The following JAKMIP2 variants were observed in gnomAD, a reference collection of about 807,000 sequenced individuals.
JAKMIP2 encodes janus kinase and microtubule-interacting protein 2.
Under a neutral mutation model 115.0 loss-of-function variants are expected in JAKMIP2, and 25 were observed. That is an observed-to-expected ratio of 0.22 (90% CI 0.16 to 0.30). The LOEUF is 0.30. Among genes scored for constraint, JAKMIP2 ranks in the 10% least tolerant of loss-of-function variants. The pLI, the probability that JAKMIP2 is intolerant of heterozygous loss-of-function variation, is 1.00. For synonymous variants in JAKMIP2, 334 were observed against 343.6 expected (o/e 0.97, Z 0.31); for missense variants, 642 against 957.6 (o/e 0.67, Z 4.35).
rs867555863 is a variant in JAKMIP2, at chr5:147,668,395, C to T, written c.129+3283G>A. On this transcript the variant is annotated intron_variant, in intron 2 of 21. Coordinates refer to ENST00000616793, the MANE Select transcript of JAKMIP2 (RefSeq NM_001270941.2). ...TAGAAGAGACAAATGGGGCAAATAC[C>T]GCAACTTAGTGGCTCAGGGTGCTGC... Among the ~76,000 whole-genome samples the T allele has an allele frequency of 6.6e-5, 10 of 152,128 alleles. 1 individual carries two copies. The highest frequency in any genetic ancestry group is 3.9e-4 in the Admixed American group (6 of 15,278).
At chr5:147,735,401 G>A (rs1753883248) in intron 1 of JAKMIP2, among the ~76,000 whole-genome samples, 2 of 152,170 alleles carry the variant, frequency 1.3e-5, no homozygotes, top group South Asian at 2.1e-4. Flanking sequence ...CCACATGGCT[G>A]GAGAGGCCTC....
chr5:147,623,224 C>CTTTTTTTTTTTT (rs199676287), intron 17 of JAKMIP2, among the ~76,000 whole-genome samples: 22 of 138,734 alleles, frequency 1.6e-4, no homozygotes, highest in East Asian at 1.5e-3. Flanking sequence ...TTGTTCTACT[C>CTTTTTTTTTTTT]TTTTTTTTTT....
chr5:147,613,670 T>G (rs540992796), intron 19 of JAKMIP2, among the ~76,000 whole-genome samples: 2 of 152,146 alleles, frequency 1.3e-5, no homozygotes, highest in Admixed American at 6.5e-5. Flanking sequence ...ATCTACTGAG[T>G]AGAAGCCAGG....
chr5:147,775,072 A>G (rs1935171599), intron 1 of JAKMIP2, among the ~76,000 whole-genome samples: 1 of 152,208 alleles, frequency 6.6e-6, no homozygotes, highest in African/African-American at 2.4e-5. Flanking sequence ...GGTGCCAAAC[A>G]AAGAAAGGCA....
At chr5:147,639,526 G>C in intron 10 of JAKMIP2, 106 bp downstream of exon 10, 1 of 1,313,774 alleles carries the variant, frequency 7.6e-7, no homozygotes, top group Non-Finnish European at 1.0e-6. Flanking sequence ...GCAGAGGAGA[G>C]AAGAATACAG....
chr5:147,730,282 G>C (rs896620853), intron 1 of JAKMIP2, among the ~76,000 whole-genome samples: 1 of 152,132 alleles, frequency 6.6e-6, no homozygotes, highest in Non-Finnish European at 1.5e-5. Context: ...TTTCATCAGG[G>C]TCCTAAGTCC....
chr5:147,770,373 T>C (rs182483399), intron 1 of JAKMIP2, among the ~76,000 whole-genome samples: 295 of 152,226 alleles, frequency 1.9e-3, no homozygotes, highest in African/African-American at 6.6e-3. Flanking sequence ...ACACAATTTC[T>C]GGTGAGCCAT....
intron 3 of JAKMIP2, among the ~76,000 whole-genome samples, chr5:147,651,828 G>C (rs181875841): frequency 2.0e-5 from 3 of 152,258 alleles, no homozygotes; most frequent in Non-Finnish European, 2.9e-5. Context: ...GGGAATAATA[G>C]CATTGTCTTT....
intron 13 of JAKMIP2, among the ~76,000 whole-genome samples, chr5:147,632,034 A>G (rs1188320062): frequency 6.6e-6 from 1 of 152,214 alleles, no homozygotes; most frequent in Non-Finnish European, 1.5e-5. Flanking sequence ...TATACTTTAT[A>G]TATCAACATA....
At chr5:147,734,187 A>G (rs1753834069) in intron 1 of JAKMIP2, among the ~76,000 whole-genome samples, 1 of 152,146 alleles carries the variant, frequency 6.6e-6, no homozygotes, top group Non-Finnish European at 1.5e-5. Flanking sequence ...GAGAAATGCA[A>G]ATCAAAACCA....
intron 20 of JAKMIP2, chr5:147,612,030 A>G (rs1235662397): frequency 1.7e-6 from 1 of 571,882 alleles, no homozygotes; most frequent in African/African-American, 1.9e-5. Context: ...ACTTTTGGAA[A>G]GGAAATGAAG....
chr5:147,589,727 G>A lies in JAKMIP2; in HGVS notation c.*1980C>T, dbSNP rs1268252547. 7 of 152,252 alleles carry A rather than the reference G, an allele frequency of 4.6e-5. No homozygotes were observed. The highest frequency in any genetic ancestry group is 4.2e-4 in the South Asian group (2 of 4,812). The allele number at this position is 152,252 out of a possible 1,614,324, so 9.4% of individuals were successfully genotyped here. On this transcript the variant is annotated 3_prime_UTR_variant, in exon 22 of 22. Transcript: ENST00000616793. ...AGCATGAGATGATCTATTTCCTATA[G>A]ATTATTAAAGATCCTGGTTTTGAAT... is the stretch of plus-strand genomic sequence containing the variant.
intron 1 of JAKMIP2, among the ~76,000 whole-genome samples, chr5:147,690,539 TTATATATA>T (rs58086292): frequency 0.061 from 5,609 of 91,706 alleles, 206 homozygotes; most frequent in East Asian, 0.14. Context: ...ACTAAAGAGA[TTATATATA>T]TATATATATA....
chr5:147,769,014 TG>T (rs1472484323), intron 1 of JAKMIP2, among the ~76,000 whole-genome samples: 1 of 152,164 alleles, frequency 6.6e-6, no homozygotes, highest in African/African-American at 2.4e-5. Context: ...TGGTTGAATT[TG>T]GGCATGTTCC....
At chr5:147,600,085 CTGTT>C (rs1463147478) in intron 21 of JAKMIP2, among the ~76,000 whole-genome samples, 2 of 61,482 alleles carry the variant, frequency 3.3e-5, no homozygotes, top group African/African-American at 5.8e-5. Flanking sequence ...AATTTATTTA[CTGTT>C]TTTTTTTTTT....
Position 147,766,837 on chromosome 5 carries a change from GT to G in JAKMIP2, c.-149+15618del, listed in dbSNP as rs540910277. On this transcript the variant is annotated intron_variant, in intron 1 of 21. Coordinates refer to ENST00000616793, the MANE Select transcript of JAKMIP2 (RefSeq NM_001270941.2). Reference sequence around the variant, plus strand: ...AAAGCTAGACAGTGGCTTCCTGAATGTGCAAGTGCAAATATTTTGCAGAGCA... The same window carrying G: ...AAAGCTAGACAGTGGCTTCCTGAATGGCAAGTGCAAATATTTTGCAGAGCA... 5.9e-5 allele frequency among the ~76,000 whole-genome samples: 9 copies of G among 152,274 alleles called. No homozygotes were observed. The East Asian group carries it at 1.5e-3, about 26-fold the overall frequency.
chr5:147,743,999 TTTCCTTCCTTCCTTCC>T (rs542685199), intron 1 of JAKMIP2, among the ~76,000 whole-genome samples: 1,942 of 112,072 alleles, frequency 0.017, 32 homozygotes, highest in African/African-American at 0.03. Context: ...TCCTAACTTC[TTTCCTTCCTTCCTTCC>T]TTCCTTCCTT....
At chr5:147,716,386 T>C (rs1019777541) in intron 1 of JAKMIP2, among the ~76,000 whole-genome samples, 1 of 146,476 alleles carries the variant, frequency 6.8e-6, no homozygotes, top group Non-Finnish European at 1.5e-5. Context: ...GGTCAAATGG[T>C]ATTTCTAGTT....
chr5:147,746,341 A>T (rs1754345462), intron 1 of JAKMIP2, among the ~76,000 whole-genome samples: 1 of 152,152 alleles, frequency 6.6e-6, no homozygotes, highest in South Asian at 2.1e-4. Flanking sequence ...CCTGGGTTGT[A>T]CTCATGGACG....
Sources: allele counts gnomAD v4.1 joint callset (sites outside exome capture counted in the v4.1 genomes callset), GRCh38; gene constraint gnomAD v4.1.1; transcripts MANE v1.5; gene names NCBI Gene and HGNC (gene_info 2026-07-23, HGNC 2026-07-21).